The following RETREG1 variants were observed in gnomAD, a reference collection of about 807,000 sequenced individuals.
RETREG1 encodes the protein family with sequence similarity 134 member B.
RETREG1 carries 44 observed loss-of-function variants against 54.8 expected under a neutral mutation model. The observed-to-expected ratio is 0.80, with a 90% CI of 0.63 to 1.03. The LOEUF is 1.03. Among genes scored for constraint, RETREG1 ranks in the 50% least tolerant of loss-of-function variants. RETREG1 has a pLI of 0.00. For synonymous variants in RETREG1, 217 were observed against 238.5 expected, an observed-to-expected ratio of 0.91 and a Z score of 0.83; for missense variants, 554 against 605.1, an observed-to-expected ratio of 0.92 and a Z score of 0.89.
chr5:16,491,659 T>C (rs1739251614), intron 3 of RETREG1, among the ~76,000 whole-genome samples: 1 of 152,166 alleles, frequency 6.6e-6, no homozygotes, highest in African/African-American at 2.4e-5. Context: ...ACAACTGTCA[T>C]CTATAGGGAA....
intron 1 of RETREG1, among the ~76,000 whole-genome samples, chr5:16,596,894 C>A (rs765451021): frequency 3.3e-5 from 5 of 152,084 alleles, no homozygotes; most frequent in African/African-American, 1.2e-4. Flanking sequence ...CTTGGAAGTA[C>A]AAAAGGCAAA....
At chr5:16,507,973 C>T (rs1162239814) in intron 3 of RETREG1, among the ~76,000 whole-genome samples, 3 of 152,200 alleles carry the variant, frequency 2.0e-5, no homozygotes, top group African/African-American at 7.2e-5. Flanking sequence ...CAATTATGCT[C>T]ATATGAGCAG....
At chr5:16,487,902 A>G (rs1199340039) in intron 3 of RETREG1, among the ~76,000 whole-genome samples, 1 of 152,230 alleles carries the variant, frequency 6.6e-6, no homozygotes, top group Non-Finnish European at 1.5e-5. Flanking sequence ...CTATTAGAAT[A>G]CAATTTACCA....
chr5:16,488,928 CA>C (rs1324147472), intron 3 of RETREG1, among the ~76,000 whole-genome samples: 1 of 151,662 alleles, frequency 6.6e-6, no homozygotes, highest in Non-Finnish European at 1.5e-5. Flanking sequence ...ACTAAAAGTA[CA>C]AAAATTAGCC....
chr5:16,481,021 T>G lies in RETREG1; in HGVS notation c.658A>C (p.Ser220Arg). The G allele has an allele frequency of 6.2e-7, 1 of 1,610,340 alleles. No individual in the cohort carries two copies. The highest frequency in any genetic ancestry group is 8.5e-7 in the Non-Finnish European group (1 of 1,177,014). Residue 220 changes from serine to arginine, a missense_variant, in exon 5 of 9, where the codon AGC (serine) becomes CGC (arginine). Transcript: ENST00000306320. ...CTACTATACTTACACAGTAGATAGC[T>G]GAGTATAACCCCAGGAATGTAACTT... ...LGSYIPGVIL[S>R]YLLLLCAFLC...
chr5:16,493,983 C>T (rs1196323587), intron 3 of RETREG1, among the ~76,000 whole-genome samples: 2 of 152,176 alleles, frequency 1.3e-5, no homozygotes, highest in South Asian at 2.1e-4. Context: ...GAGTGACTAT[C>T]GCACATTAAG....
chr5:16,569,307 T>A (rs11741527), intron 2 of RETREG1, among the ~76,000 whole-genome samples: 30 of 146,102 alleles, frequency 2.1e-4, no homozygotes, highest in African/African-American at 5.9e-4. Flanking sequence ...TTTTTTTTTT[T>A]AATTTTTCAT....
At chr5:16,556,453 C>A (rs781164814) in intron 3 of RETREG1, among the ~76,000 whole-genome samples, 13 of 151,984 alleles carry the variant, frequency 8.6e-5, no homozygotes, top group Non-Finnish European at 1.9e-4. Flanking sequence ...AGCTACCGAG[C>A]GAGGATGAAG....
intron 3 of RETREG1, among the ~76,000 whole-genome samples, chr5:16,523,227 G>A (rs962389938): frequency 1.3e-5 from 2 of 152,126 alleles, no homozygotes; most frequent in Non-Finnish European, 2.9e-5. Flanking sequence ...GACTTGGCTT[G>A]TACTTTGCTA....
At chr5:16,483,299 C>A (rs778097909) in intron 4 of RETREG1, 47 bp downstream of exon 4, 6 of 1,606,544 alleles carry the variant, frequency 3.7e-6, no homozygotes, top group Non-Finnish European at 4.3e-6. Context: ...CATTTGTTTC[C>A]AAGTAACTGA....
At chr5:16,527,873 G>A (rs1036601142) in intron 3 of RETREG1, among the ~76,000 whole-genome samples, 1 of 129,208 alleles carries the variant, frequency 7.7e-6, no homozygotes, top group Non-Finnish European at 1.6e-5. Context: ...GCAGTGGCAC[G>A]ATCTCGGCTC....
At chr5:16,525,439 G>A (rs113780200) in intron 3 of RETREG1, among the ~76,000 whole-genome samples, 7 of 152,260 alleles carry the variant, frequency 4.6e-5, no homozygotes, top group African/African-American at 1.7e-4. Context: ...TGGACAGGGA[G>A]GCCCTACCAA....
At chr5:16,523,803 C>G (rs1051180083) in intron 3 of RETREG1, among the ~76,000 whole-genome samples, 1 of 152,092 alleles carries the variant, frequency 6.6e-6, no homozygotes, top group African/African-American at 2.4e-5. Flanking sequence ...CTTATTTGTC[C>G]AATCATTTAT....
At chr5:16,507,602 G>C (rs1411564679) in intron 3 of RETREG1, among the ~76,000 whole-genome samples, 1 of 152,152 alleles carries the variant, frequency 6.6e-6, no homozygotes, top group Non-Finnish European at 1.5e-5. Context: ...TACTAGGAAG[G>C]AACTTGTAAG....
chr5:16,494,445 CT>C (rs1739370928), intron 3 of RETREG1, among the ~76,000 whole-genome samples: 2 of 152,130 alleles, frequency 1.3e-5, no homozygotes, highest in East Asian at 3.9e-4. Flanking sequence ...GGGGCAGACT[CT>C]CATGAATGGT....
intron 1 of RETREG1, among the ~76,000 whole-genome samples, chr5:16,575,021 T>C (rs1742284354): frequency 6.6e-6 from 1 of 152,194 alleles, no homozygotes; most frequent in African/African-American, 2.4e-5. Context: ...GCCTCCTCAC[T>C]CTCAATTCAG....
intron 1 of RETREG1, among the ~76,000 whole-genome samples, chr5:16,581,555 AC>A (rs1179025478): frequency 6.6e-5 from 10 of 151,188 alleles, no homozygotes; most frequent in South Asian, 2.1e-4. Flanking sequence ...ACACACACAC[AC>A]ACACACACAA....
chr5:16,516,792 C>A lies in RETREG1; in HGVS notation c.459-33320G>T, dbSNP rs535778804. On this transcript the variant is annotated intron_variant, in intron 3 of 8. Coordinates refer to ENST00000306320, the MANE Select transcript of RETREG1 (RefSeq NM_001034850.3). The stretch of plus-strand genomic sequence containing the variant: ...AACAAAAAAAAAAATCTAACAAGCC[C>A]AAATTAATTCCAAAAAGATCATAAG... 2.6e-5 allele frequency among the ~76,000 whole-genome samples: 4 copies of A among 152,014 alleles called. 1 individual carries two copies. Among genetic ancestry groups the A allele is most frequent in the African/African-American group, 9.7e-5 (4 of 41,434 alleles).
intron 3 of RETREG1, among the ~76,000 whole-genome samples, chr5:16,530,281 C>G (rs750964791): frequency 3.3e-5 from 5 of 152,184 alleles, no homozygotes; most frequent in Non-Finnish European, 7.3e-5. Context: ...TACTTGTGCT[C>G]CCAGGGGCAT....
Sources: gnomAD v4.1 joint callset for allele counts (sites outside exome capture counted in the v4.1 genomes callset) on GRCh38, gnomAD v4.1.1 for gene constraint, MANE v1.5 for transcripts, NCBI Gene and HGNC (gene_info 2026-07-23, HGNC 2026-07-21) for gene names.